Variants in KIAA1328 observed in about 807,000 individuals in gnomAD.
The protein encoded by KIAA1328 is KIAA1328.
In KIAA1328, 52 loss-of-function variants were observed where a neutral mutation model predicts 68.1. The ratio of observed to expected loss-of-function variants is 0.76; its 90% CI spans 0.61 to 0.96. The LOEUF is 0.96. Ranked by LOEUF, KIAA1328 falls within the 40% of genes least tolerant of loss-of-function variation. The pLI, the probability that KIAA1328 is intolerant of heterozygous loss-of-function variation, is 0.00. For missense variants in KIAA1328, 641 were observed against 677.6 expected, an observed-to-expected ratio of 0.95 and a Z score of 0.60; for synonymous variants, 232 against 239.4, an observed-to-expected ratio of 0.97 and a Z score of 0.28.
chr18:36,849,273 G>A (rs915937201), intron 4 of KIAA1328, among the ~76,000 whole-genome samples: 1 of 151,896 alleles, frequency 6.6e-6, no homozygotes, highest in African/African-American at 2.4e-5. Context: ...ATATGTGTGT[G>A]TTTTTAATGT....
intron 7 of KIAA1328, among the ~76,000 whole-genome samples, chr18:37,108,596 A>AT (rs2057839698): frequency 6.6e-6 from 1 of 152,078 alleles, no homozygotes; most frequent in African/African-American, 2.4e-5. Flanking sequence ...CAACTTACGC[A>AT]TTTTTTCATT....
chr18:37,097,504 G>A (rs548192481), intron 7 of KIAA1328, among the ~76,000 whole-genome samples: 2 of 152,324 alleles, frequency 1.3e-5, no homozygotes, highest in African/African-American at 4.8e-5. Flanking sequence ...AAGTCAGGCA[G>A]CACGATGCCT....
intron 6 of KIAA1328, among the ~76,000 whole-genome samples, chr18:36,961,677 A>G (rs900126187): frequency 2.0e-5 from 3 of 152,190 alleles, no homozygotes; most frequent in African/African-American, 7.2e-5. Context: ...TTCTTAAAGA[A>G]AAGAATTTTC....
intron 5 of KIAA1328, among the ~76,000 whole-genome samples, chr18:36,898,649 G>A (rs2048938983): frequency 6.6e-6 from 1 of 152,074 alleles, no homozygotes; most frequent in African/African-American, 2.4e-5. Context: ...AGCAATTTTA[G>A]GCTGGTATAG....
At chr18:37,042,304 A>T (rs1238896244) in intron 6 of KIAA1328, among the ~76,000 whole-genome samples, 1 of 152,142 alleles carries the variant, frequency 6.6e-6, no homozygotes, top group African/African-American at 2.4e-5. Flanking sequence ...CTACAAGATG[A>T]TCTTTTCTGG....
chr18:36,949,005 C>T (rs1017473550), intron 5 of KIAA1328, among the ~76,000 whole-genome samples: 12 of 152,252 alleles, frequency 7.9e-5, no homozygotes, highest in African/African-American at 2.6e-4. Context: ...TTTCCATAGT[C>T]TATATTGTCA....
intron 6 of KIAA1328, among the ~76,000 whole-genome samples, chr18:37,025,491 A>G (rs1053760355): frequency 3.9e-5 from 6 of 152,206 alleles, no homozygotes; most frequent in Non-Finnish European, 7.3e-5. Context: ...CTCCTCAGCA[A>G]ATGTAAAAGA....
intron 5 of KIAA1328, among the ~76,000 whole-genome samples, chr18:36,900,422 A>G (rs1293107681): frequency 2.6e-5 from 4 of 151,938 alleles, no homozygotes; most frequent in Non-Finnish European, 5.9e-5. Context: ...ATTTTCATTA[A>G]TGCATGGTAA....
Position 37,180,105 on chromosome 18 carries a change from C to T in KIAA1328, c.1523+7024C>T, listed in dbSNP as rs1054400839. Among the ~76,000 whole-genome samples the T allele has an allele frequency of 8.9e-5, 12 of 134,154 alleles. No individual in the cohort carries two copies. In the East Asian group the frequency reaches 2.1e-3, roughly 24 times the overall value. The allele number at this position is 134,154 out of a possible 152,430, so 88.0% of individuals were successfully genotyped here. A position where few individuals can be genotyped will look rare whatever the true frequency, so the allele number is the denominator to read the frequency against. ...ACACACACACACACACACACACACA[C>T]ATTTTTATACTGGGAACAAAAATAT... On this transcript the variant is annotated intron_variant, in intron 9 of 9. Coordinates refer to ENST00000280020, the MANE Select transcript of KIAA1328 (RefSeq NM_020776.3).
intron 6 of KIAA1328, among the ~76,000 whole-genome samples, chr18:37,021,150 C>G (rs2054331376): frequency 6.6e-6 from 1 of 152,196 alleles, no homozygotes; most frequent in Non-Finnish European, 1.5e-5. Flanking sequence ...AGACCCTAAA[C>G]AAAGCATGAA....
At chr18:37,150,598 A>G (rs941585411) in intron 7 of KIAA1328, among the ~76,000 whole-genome samples, 4 of 152,012 alleles carry the variant, frequency 2.6e-5, no homozygotes, top group African/African-American at 9.7e-5. Context: ...CCACAAAAAA[A>G]TCCTTAACAA....
At chr18:36,909,080 T>A (rs2049328407) in intron 5 of KIAA1328, among the ~76,000 whole-genome samples, 1 of 152,178 alleles carries the variant, frequency 6.6e-6, no homozygotes, top group Admixed American at 6.6e-5. Flanking sequence ...CTGTTGACTT[T>A]GAGTATAACT....
chr18:37,075,504 G>A (rs2056692488), intron 7 of KIAA1328: 1 of 152,118 alleles, frequency 6.6e-6, no homozygotes, highest in South Asian at 2.1e-4. Flanking sequence ...AATGTAAATG[G>A]ACTAAATGCT....
chr18:37,154,260 G>A (rs1599447514), intron 7 of KIAA1328, among the ~76,000 whole-genome samples: 2 of 152,066 alleles, frequency 1.3e-5, no homozygotes, highest in Non-Finnish European at 1.5e-5. Flanking sequence ...TCAGTCCATC[G>A]CTCTTATTAA....
intron 4 of KIAA1328, among the ~76,000 whole-genome samples, chr18:36,847,831 T>C (rs1354194292): frequency 6.6e-6 from 1 of 151,694 alleles, no homozygotes; most frequent in Non-Finnish European, 1.5e-5. Flanking sequence ...GCAAAGGTTG[T>C]TTTTCTATGT....
At chr18:37,214,418 AT>A (rs2060383569) in intron 9 of KIAA1328, among the ~76,000 whole-genome samples, 1 of 152,146 alleles carries the variant, frequency 6.6e-6, no homozygotes, top group Admixed American at 6.5e-5. Flanking sequence ...TCCTTTCCCC[AT>A]TTCTTGTTTT....
At chr18:36,875,441 G>A (rs2048088198) in intron 4 of KIAA1328, among the ~76,000 whole-genome samples, 1 of 152,188 alleles carries the variant, frequency 6.6e-6, no homozygotes. Context: ...GTGAATGGGA[G>A]TTCACTCATG....
At chr18:37,131,571 A>T (rs963322677) in intron 7 of KIAA1328, among the ~76,000 whole-genome samples, 16 of 152,180 alleles carry the variant, frequency 1.1e-4, no homozygotes, top group African/African-American at 3.6e-4. Context: ...ATCACACCTA[A>T]CAGTGAGCAT....
In KIAA1328 at chr18:36,975,167, C is replaced by T. The variant is rs146247158; in HGVS notation, c.576+15732C>T. ...AGTTATTGATCCAAGGACCAAAGTACAAGCTACAATTTTTTTTTTTTTTTT... is the reference window on the plus strand; with the variant it reads ...AGTTATTGATCCAAGGACCAAAGTATAAGCTACAATTTTTTTTTTTTTTTT... On this transcript the variant is annotated intron_variant, in intron 6 of 9. Transcript: ENST00000280020. 4.0e-5 allele frequency among the ~76,000 whole-genome samples: 6 copies of T among 148,938 alleles called. No individual in the cohort carries two copies. The South Asian group carries it at 1.3e-3, about 32-fold the overall frequency.
Sources: gnomAD v4.1 joint callset for allele counts (sites outside exome capture counted in the v4.1 genomes callset) on GRCh38, gnomAD v4.1.1 for gene constraint, MANE v1.5 for transcripts, NCBI Gene and HGNC (gene_info 2026-07-23, HGNC 2026-07-21) for gene names.